The following CD244 variants were observed in gnomAD, a reference collection of about 807,000 sequenced individuals.
The protein encoded by CD244 is CD244 molecule.
In CD244, 20 loss-of-function variants were observed where a neutral mutation model predicts 45.5. The observed-to-expected ratio is 0.44, with a 90% CI of 0.31 to 0.64. The LOEUF (loss-of-function observed/expected upper bound fraction) is 0.64, where lower values mean the gene tolerates loss of function less well. Ranked by LOEUF, CD244 falls within the 30% of genes least tolerant of loss-of-function variation. The pLI is 0.08. For synonymous variants in CD244, 185 were observed against 160.5 expected (o/e 1.15, Z -1.15); for missense variants, 407 against 426.9 (o/e 0.95, Z 0.41).
intron 7 of CD244, 22 bp downstream of exon 7, chr1:160,834,029 A>G (rs756207853): frequency 6.4e-7 from 1 of 1,573,884 alleles, no homozygotes; most frequent in East Asian, 2.2e-5. Flanking sequence ...ACACCCCACC[A>G]CCACCACGGG....
chr1:160,836,061 A>G lies in CD244; in HGVS notation c.894+134T>C, dbSNP rs1003079502. The G allele has an allele frequency of 5.7e-6, 4 of 705,554 alleles. No homozygotes were observed. In the African/African-American group the frequency reaches 7.1e-5, roughly 12 times the overall value. The allele number at this position is 705,554 out of a possible 1,614,324, so 43.7% of individuals were successfully genotyped here. On this transcript the variant is annotated intron_variant, in intron 6 of 8. Transcript: ENST00000368034. ...TCTTTTCAAATAATGTGTTAATGCA[A>G]CTGAAGCCAAGCTATCTTCTGGATT...
At chr1:160,848,290 T>A (rs1373667627) in intron 1 of CD244, 5 of 585,266 alleles carry the variant, frequency 8.5e-6, no homozygotes, top group Non-Finnish European at 1.6e-5. Context: ...AGCATACAGG[T>A]CTTGGCATCT....
intron 1 of CD244, among the ~76,000 whole-genome samples, chr1:160,843,761 A>G (rs1406168600): frequency 1.3e-5 from 2 of 152,258 alleles, no homozygotes; most frequent in Non-Finnish European, 2.9e-5. Context: ...GTGAAAAATT[A>G]TGGGGCCAAT....
chr1:160,850,866 C>T (rs541183450), intron 1 of CD244, among the ~76,000 whole-genome samples: 2 of 152,324 alleles, frequency 1.3e-5, no homozygotes, highest in South Asian at 2.1e-4. Context: ...CAACTGCAAG[C>T]TCCAGATTGT....
chr1:160,843,535 C>A (rs1669620485), intron 1 of CD244, among the ~76,000 whole-genome samples: 1 of 152,188 alleles, frequency 6.6e-6, no homozygotes, highest in Admixed American at 6.5e-5. Context: ...AGGCATGATT[C>A]CTGACTCCAG....
Position 160,855,164 on chromosome 1 carries a change from G to A in CD244, c.61+7453C>T, listed in dbSNP as rs115989607. Among the ~76,000 whole-genome samples the A allele has an allele frequency of 6.5e-3, 990 of 152,302 alleles. 22 individuals are homozygous for A. Among genetic ancestry groups the A allele is most frequent in the African/African-American group, 0.023 (941 of 41,548 alleles). ...CTTGTGCTTCTGTTTTCTTAAAGAA[G>A]GAGGTTGTTGGTTTGTGGAGGCTGA... On this transcript the variant is annotated intron_variant, in intron 1 of 8. Transcript: ENST00000368034.
Position 160,841,419 on chromosome 1 carries a change from G to A in CD244, c.446C>T (p.Ala149Val). 1 of 1,614,182 alleles carries A rather than the reference G, an allele frequency of 6.2e-7. No homozygotes were observed. The highest frequency in any genetic ancestry group is 1.1e-5 in the South Asian group (1 of 91,084). The change falls in exon 3 of 9, where the codon GCT (alanine) becomes GTT (valine). Residue 149 changes from alanine (A) to valine (V), a missense_variant. Transcript: ENST00000368034. ...ATCCCTGGAGACCAAGCAAGACAGA[G>A]CCACTTGGCATCTCCCTCTGTCCAG... ...KILDRGRCQV[A>V]LSCLVSRDGN...
At chr1:160,835,567 C>T (rs747348273) in intron 6 of CD244, among the ~76,000 whole-genome samples, 5 of 152,100 alleles carry the variant, frequency 3.3e-5, no homozygotes, top group Non-Finnish European at 5.9e-5. Context: ...AGCTATGATT[C>T]TACCATTGCA....
intron 1 of CD244, among the ~76,000 whole-genome samples, chr1:160,850,659 C>T (rs1485056570): frequency 6.6e-6 from 1 of 152,168 alleles, no homozygotes; most frequent in East Asian, 1.9e-4. Flanking sequence ...GAAATAGACC[C>T]TGTGTGTGGG....
intron 1 of CD244, among the ~76,000 whole-genome samples, chr1:160,856,203 T>C (rs1316925676): frequency 6.6e-6 from 1 of 152,172 alleles, no homozygotes; most frequent in Non-Finnish European, 1.5e-5. Flanking sequence ...AATCATAAGA[T>C]AGATAAAGTA....
intron 3 of CD244, among the ~76,000 whole-genome samples, chr1:160,839,704 C>T (rs992131041): frequency 6.6e-6 from 1 of 152,144 alleles, no homozygotes; most frequent in Non-Finnish European, 1.5e-5. Flanking sequence ...CTTAAACATT[C>T]GTGGATCTTG....
chr1:160,831,095 T>C lies in CD244; in HGVS notation c.*252A>G, dbSNP rs1669097669. Reference sequence around the variant, plus strand: ...TTCTAGATTACAAATACTTGGAATGTGGCCTTTTGTGAACAACCTAACCCC... The same window carrying C: ...TTCTAGATTACAAATACTTGGAATGCGGCCTTTTGTGAACAACCTAACCCC... On this transcript the variant is annotated 3_prime_UTR_variant, in exon 9 of 9. Coordinates refer to ENST00000368034, the MANE Select transcript of CD244 (RefSeq NM_016382.4). 2.6e-6 allele frequency: 1 copy of C among 380,352 alleles called. No individual in the cohort carries two copies. Among genetic ancestry groups the C allele is most frequent in the South Asian group, 5.7e-5 (1 of 17,410 alleles). 23.6% of individuals were successfully genotyped at this position (380,352 alleles called of 1,614,324 possible).
chr1:160,842,426 A>C (rs1325841968), intron 1 of CD244, among the ~76,000 whole-genome samples: 1 of 152,026 alleles, frequency 6.6e-6, no homozygotes, highest in Non-Finnish European at 1.5e-5. Context: ...ACTCTTTGTA[A>C]AGACAGCAGT....
Position 160,836,224 on chromosome 1 carries a change from T to TC in CD244, c.864dup (p.Ser289GlufsTer46). ...GACTGGATCATAGAGTAGATGGTGC[T>TC]CCCCCCTCCAGGAAAAGTCTGCTCC... is the stretch of plus-strand genomic sequence containing the variant. On this transcript the variant is annotated frameshift_variant, in exon 6 of 9. Transcript: ENST00000368034. LOFTEE classifies it high-confidence loss of function. The TC allele has an allele frequency of 6.2e-7, 1 of 1,613,414 alleles. No homozygotes were observed. Among genetic ancestry groups the TC allele is most frequent in the Non-Finnish European group, 8.5e-7 (1 of 1,179,672 alleles).
chr1:160,860,520 A>G (rs575710548), intron 1 of CD244, among the ~76,000 whole-genome samples: 1 of 152,320 alleles, frequency 6.6e-6, no homozygotes, highest in Admixed American at 6.5e-5. Context: ...GATGGTATTA[A>G]TGTTAAATTT....
intron 1 of CD244, among the ~76,000 whole-genome samples, chr1:160,844,322 G>A (rs116044637): frequency 9.2e-5 from 14 of 152,278 alleles, no homozygotes; most frequent in African/African-American, 2.9e-4. Flanking sequence ...AAACTTTAAA[G>A]TAATCATGTC....
intron 1 of CD244, among the ~76,000 whole-genome samples, chr1:160,849,293 T>TTTTTG (rs939757371): frequency 6.6e-6 from 1 of 151,764 alleles, no homozygotes; most frequent in Non-Finnish European, 1.5e-5. Context: ...CTTTTTTTTT[T>TTTTTG]TTTTGTTTTA....
intron 1 of CD244, chr1:160,848,448 C>A: frequency 1.8e-6 from 1 of 549,152 alleles, no homozygotes; most frequent in East Asian, 4.8e-5. Context: ...CCCTTTGGGT[C>A]CAGGAATGGC....
chr1:160,849,816 C>T (rs1323024601), intron 1 of CD244, among the ~76,000 whole-genome samples: 1 of 152,100 alleles, frequency 6.6e-6, no homozygotes, highest in African/African-American at 2.4e-5. Flanking sequence ...AGTTCGAGAC[C>T]AGCCTGGCCA....
Sources: allele counts gnomAD v4.1 joint callset (sites outside exome capture counted in the v4.1 genomes callset), GRCh38; gene constraint gnomAD v4.1.1; transcripts MANE v1.5; gene names NCBI Gene and HGNC (gene_info 2026-07-23, HGNC 2026-07-21).